PTPRN2: variants seen among roughly 807,000 people sequenced by gnomAD.
The protein encoded by PTPRN2 is protein tyrosine phosphatase receptor type N2, also known as receptor-type tyrosine-protein phosphatase N2.
In PTPRN2, 74 loss-of-function variants were observed where a neutral mutation model predicts 118.8. The observed-to-expected ratio is 0.62, with a 90% CI of 0.52 to 0.76. PTPRN2 has a LOEUF of 0.76. PTPRN2 is among the 30% of genes least tolerant of loss of function. The probability of loss-of-function intolerance (pLI) is 0.00; values close to 1 mark genes in which losing one functional copy is unlikely to be tolerated. For synonymous variants in PTPRN2, 641 were observed against 608.0 expected (o/e 1.05, Z -0.80); for missense variants, 1,481 against 1,394.4 (o/e 1.06, Z -0.99).
chr7:158,313,385 G>A (rs1397905061), intron 3 of PTPRN2, among the ~76,000 whole-genome samples: 1 of 152,220 alleles, frequency 6.6e-6, no homozygotes, highest in Non-Finnish European at 1.5e-5. Context: ...CAATGCAGAA[G>A]ATGACTTTTC....
chr7:158,233,001 C>T (rs1229136445), intron 3 of PTPRN2, among the ~76,000 whole-genome samples: 1 of 152,156 alleles, frequency 6.6e-6, no homozygotes, highest in East Asian at 1.9e-4. Context: ...AAAGCCTTTT[C>T]TCTAACATTT....
chr7:158,297,598 A>T (rs2151036667), intron 3 of PTPRN2, among the ~76,000 whole-genome samples: 1 of 152,332 alleles, frequency 6.6e-6, no homozygotes, highest in Non-Finnish European at 1.5e-5. Context: ...GGTCTTTCAG[A>T]GTCATTAAGG....
At chr7:158,139,970 T>A (rs1396133883) in intron 6 of PTPRN2, among the ~76,000 whole-genome samples, 6 of 123,766 alleles carry the variant, frequency 4.8e-5, no homozygotes, top group Non-Finnish European at 1.0e-4. Context: ...TGGGTCCCTG[T>A]GGGCCTGCAC....
intron 14 of PTPRN2, among the ~76,000 whole-genome samples, chr7:157,624,372 G>T (rs1455057324): frequency 6.6e-6 from 1 of 151,860 alleles, no homozygotes; most frequent in Non-Finnish European, 1.5e-5. Flanking sequence ...AGTGAACCGA[G>T]ATCGCATCAT....
rs1396822561 is a variant in PTPRN2, at chr7:157,540,845, C to CA, written c.2977-61dup. The stretch of plus-strand genomic sequence containing the variant: ...AGCGGCGTCCCCCCGACTCCTGCCA[C>CA]AGCGTCGGCTCCCTGCAGATGAAAG... On this transcript the variant is annotated intron_variant, in intron 22 of 22. Transcript: ENST00000389418. 2.1e-5 allele frequency: 29 copies of CA among 1,383,490 alleles called. No homozygotes were observed. In the African/African-American group the frequency reaches 2.9e-4, roughly 14 times the overall value. The allele number at this position is 1,383,490 out of a possible 1,614,324, so 85.7% of individuals were successfully genotyped here.
intron 14 of PTPRN2, among the ~76,000 whole-genome samples, chr7:157,645,746 G>T (rs914418104): frequency 3.3e-5 from 5 of 152,180 alleles, no homozygotes; most frequent in African/African-American, 1.2e-4. Context: ...TGGCCCTGGG[G>T]AGGGGGCTGG....
intron 10 of PTPRN2, among the ~76,000 whole-genome samples, chr7:158,092,006 T>C (rs1032188620): frequency 1.9e-5 from 1 of 51,996 alleles, no homozygotes; most frequent in Admixed American, 2.3e-4. Flanking sequence ...GGGTGAGGGA[T>C]AGGTGATAGA....
At position 157,780,011 on chromosome 7, in the gene PTPRN2, T is replaced by C. The variant is rs1242681816; in HGVS notation, c.1789-97074A>G. On this transcript the variant is annotated intron_variant, in intron 12 of 22. Coordinates refer to ENST00000389418, the MANE Select transcript of PTPRN2 (RefSeq NM_002847.5). This position sits in a 1 kb window ranked among gnomAD's most constrained non-coding sequence, Gnocchi z 4.5. ...CAAGGTCCACAATGTCCATGGAGAG[T>C]AGGATTTTACACACTTATTGATGAA... is the stretch of plus-strand genomic sequence containing the variant. 2.0e-5 allele frequency among the ~76,000 whole-genome samples: 3 copies of C among 151,848 alleles called. No individual in the cohort carries two copies. The highest frequency in any genetic ancestry group is 7.3e-5 in the African/African-American group (3 of 41,314).
In PTPRN2 at chr7:157,881,576, C is replaced by G. The variant is rs1796132227; in HGVS notation, c.1788+17097G>C. Among the ~76,000 whole-genome samples, 1 of 152,142 alleles carries G rather than the reference C, an allele frequency of 6.6e-6. No individual in the cohort carries two copies. The highest frequency in any genetic ancestry group is 2.1e-4 in the South Asian group (1 of 4,822). ...CACATGGTCAACATGGCAACACCCC[C>G]TCAGTACACCCTAGACATCTGAGGC... On this transcript the variant is annotated intron_variant, in intron 12 of 22. Coordinates refer to ENST00000389418, the MANE Select transcript of PTPRN2 (RefSeq NM_002847.5). This position sits in a 1 kb window ranked among gnomAD's most constrained non-coding sequence, Gnocchi z 4.7.
At chr7:158,208,045 C>G (rs775788410) in intron 3 of PTPRN2, among the ~76,000 whole-genome samples, 13 of 152,106 alleles carry the variant, frequency 8.5e-5, no homozygotes, top group Non-Finnish European at 1.6e-4. Flanking sequence ...GTTGACCAAG[C>G]AAGACAAAGA....
intron 2 of PTPRN2, among the ~76,000 whole-genome samples, chr7:158,402,287 G>A (rs1038264162): frequency 2.6e-5 from 4 of 152,128 alleles, no homozygotes; most frequent in African/African-American, 9.7e-5. Flanking sequence ...GGAGGCACAT[G>A]CCCCAGCACC....
At chr7:158,342,988 G>T (rs1352496298) in intron 2 of PTPRN2, among the ~76,000 whole-genome samples, 1 of 152,200 alleles carries the variant, frequency 6.6e-6, no homozygotes, top group African/African-American at 2.4e-5. Flanking sequence ...GCTCTGCGTT[G>T]CAGTGAGCTG....
At chr7:158,476,352 T>A (rs1820261814) in intron 2 of PTPRN2, among the ~76,000 whole-genome samples, 1 of 152,232 alleles carries the variant, frequency 6.6e-6, no homozygotes, top group African/African-American at 2.4e-5. Flanking sequence ...TATTTATGAC[T>A]TTAGTTACAA....
At chr7:158,479,362 C>G (rs1336095450) in intron 2 of PTPRN2, among the ~76,000 whole-genome samples, 2 of 152,134 alleles carry the variant, frequency 1.3e-5, no homozygotes, top group Admixed American at 1.3e-4. Flanking sequence ...TCCCTCTCTC[C>G]TCCGCTCTTC....
At chr7:157,870,775 G>A (rs559309241) in intron 12 of PTPRN2, among the ~76,000 whole-genome samples, 76 of 152,350 alleles carry the variant, frequency 5.0e-4, no homozygotes, top group African/African-American at 1.8e-3. Context: ...CTGCTCTGGG[G>A]CCAGGAGCTG....
intron 11 of PTPRN2, among the ~76,000 whole-genome samples, chr7:158,059,652 G>A (rs1178294787): frequency 9.5e-6 from 1 of 104,892 alleles, no homozygotes; most frequent in Non-Finnish European, 1.9e-5. Flanking sequence ...TCTGCCCACG[G>A]TGACGCATCA....
intron 1 of PTPRN2, among the ~76,000 whole-genome samples, chr7:158,513,216 A>G (rs1047600209): frequency 6.6e-6 from 1 of 152,120 alleles, no homozygotes; most frequent in Non-Finnish European, 1.5e-5. Context: ...ACTTCACCCC[A>G]ATCTTCCTCC....
chr7:158,415,927 A>C (rs1205162176), intron 2 of PTPRN2, among the ~76,000 whole-genome samples: 9 of 152,192 alleles, frequency 5.9e-5, no homozygotes, highest in Non-Finnish European at 1.3e-4. Flanking sequence ...AGCCCCTGCC[A>C]CCCCTGTGTC....
chr7:157,736,741 C>G (rs1024777954), intron 12 of PTPRN2, among the ~76,000 whole-genome samples: 1 of 152,184 alleles, frequency 6.6e-6, no homozygotes, highest in Non-Finnish European at 1.5e-5. Flanking sequence ...CCGCCCCTGG[C>G]CACGGAGTCT....
Sources: gnomAD v4.1 joint callset for allele counts (sites outside exome capture counted in the v4.1 genomes callset) on GRCh38, gnomAD v4.1.1 for gene constraint, Gnocchi (gnomAD v3.1) non-coding constraint, MANE v1.5 for transcripts, NCBI Gene and HGNC (gene_info 2026-07-23, HGNC 2026-07-21) for gene names.